ZMYM4: variants seen among roughly 807,000 people sequenced by gnomAD.
ZMYM4 encodes zinc finger MYM-type containing 4, also known as zinc finger MYM-type protein 4.
In ZMYM4, 31 loss-of-function variants were observed where a neutral mutation model predicts 183.2. The ratio of observed to expected loss-of-function variants is 0.17; its 90% CI spans 0.13 to 0.23. ZMYM4 has a LOEUF of 0.23. ZMYM4 is among the 10% of genes least tolerant of loss of function. The probability of loss-of-function intolerance (pLI) is 1.00; values close to 1 mark genes in which losing one functional copy is unlikely to be tolerated. For synonymous variants in ZMYM4, 592 were observed against 631.2 expected, an observed-to-expected ratio of 0.94 and a Z score of 0.93; for missense variants, 1,273 against 1,840.3, an observed-to-expected ratio of 0.69 and a Z score of 5.64.
chr1:35,376,832 A>G (rs537346246), intron 7 of ZMYM4, among the ~76,000 whole-genome samples: 1 of 149,716 alleles, frequency 6.7e-6, no homozygotes, highest in East Asian at 2.0e-4. Context: ...GGCCTATAGT[A>G]TTTTAAGAAT....
At chr1:35,324,934 A>C (rs1397967321) in intron 1 of ZMYM4, among the ~76,000 whole-genome samples, 1 of 152,118 alleles carries the variant, frequency 6.6e-6, no homozygotes, top group African/African-American at 2.4e-5. Context: ...CTTTCAATTT[A>C]AGAGCAGCAT....
At chr1:35,411,206 G>T (rs1279008175) in intron 26 of ZMYM4, among the ~76,000 whole-genome samples, 4 of 139,310 alleles carry the variant, frequency 2.9e-5, no homozygotes, top group Admixed American at 7.4e-5. Context: ...TTTTTTTTGA[G>T]ATGGAGTCTT....
chr1:35,343,863 C>G (rs866355317), intron 2 of ZMYM4, among the ~76,000 whole-genome samples: 1 of 121,240 alleles, frequency 8.2e-6, no homozygotes, highest in East Asian at 2.2e-4. Context: ...GACTCTGTCT[C>G]AAAAAAAAAA....
intron 7 of ZMYM4, among the ~76,000 whole-genome samples, chr1:35,373,626 C>G (rs1410605179): frequency 1.3e-5 from 2 of 151,230 alleles, no homozygotes; most frequent in East Asian, 3.9e-4. Flanking sequence ...AACTCCTGAC[C>G]TCCTGATCCA....
Position 35,361,183 on chromosome 1 carries a change from C to A in ZMYM4, c.608-11C>A. 2 of 1,540,568 alleles carry A rather than the reference C, an allele frequency of 1.3e-6. No homozygotes were observed. The highest frequency in any genetic ancestry group is 1.3e-5 in the South Asian group (1 of 78,876). ...ACATGTGTTTGTTTGTTTTTTTTTT[C>A]CTTTCAATAGCTAATCAAGTTGAAG... is the stretch of plus-strand genomic sequence containing the variant. On this transcript the variant is annotated splice_polypyrimidine_tract_variant and intron_variant, in intron 3 of 29. Transcript: ENST00000314607.
At chr1:35,369,808 GTAGA>G (rs1314076126) in intron 5 of ZMYM4, among the ~76,000 whole-genome samples, 14 of 151,748 alleles carry the variant, frequency 9.2e-5, no homozygotes, top group South Asian at 4.2e-4. Flanking sequence ...CACAGACTAA[GTAGA>G]TACTTTCATT....
chr1:35,269,163 C>T lies in ZMYM4; in HGVS notation c.39+78C>T, dbSNP rs1639463360. On this transcript the variant is annotated intron_variant, in intron 1 of 29. Coordinates refer to ENST00000314607, the MANE Select transcript of ZMYM4 (RefSeq NM_005095.3). ...GCCGGGAATGGGCCATACTCAGGTT[C>T]GTGGAGGGGTCGCCGAGGCCCAGTT... 1.1e-5 allele frequency: 16 copies of T among 1,521,650 alleles called. No individual in the cohort carries two copies. The Admixed American group carries it at 2.5e-4, about 23-fold the overall frequency. The allele number at this position is 1,521,650 out of a possible 1,614,324, so 94.3% of individuals were successfully genotyped here. A position where few individuals can be genotyped will look rare whatever the true frequency, so the allele number is the denominator to read the frequency against.
chr1:35,370,361 T>G lies in ZMYM4; in HGVS notation c.926-11T>G, dbSNP rs1191542422. On this transcript the variant is annotated splice_polypyrimidine_tract_variant and intron_variant, in intron 6 of 29. Transcript: ENST00000314607. ...CAATTTTTTTTTTTTTTTTTTTTTT[T>G]TTTTTTAAAGCTCCACAGTTGACTA... 4.5e-6 allele frequency: 6 copies of G among 1,345,630 alleles called. No homozygotes were observed. The highest frequency in any genetic ancestry group is 5.7e-6 in the Non-Finnish European group (6 of 1,052,800). 83.4% of individuals were successfully genotyped at this position (1,345,630 alleles called of 1,614,324 possible).
intron 1 of ZMYM4, among the ~76,000 whole-genome samples, chr1:35,310,837 C>G (rs777509568): frequency 1.7e-4 from 26 of 152,136 alleles, no homozygotes; most frequent in Non-Finnish European, 3.1e-4. Context: ...CTCGGCCTCC[C>G]AAAGTGCTAG....
Position 35,392,364 on chromosome 1 carries a change from T to C in ZMYM4, c.2728+12T>C, listed in dbSNP as rs113909981. 1 of 1,609,876 alleles carries C rather than the reference T, an allele frequency of 6.2e-7. No individual in the cohort carries two copies. Among genetic ancestry groups the C allele is most frequent in the African/African-American group, 1.3e-5 (1 of 74,710 alleles). On this transcript the variant is annotated intron_variant, in intron 16 of 29. Transcript: ENST00000314607. ...CAGTGTCTTACAAGGTATGGCTTGA[T>C]TGGAAAGCATTTATCTAGCCTATTT...
chr1:35,372,612 A>C (rs1644238711), intron 7 of ZMYM4, among the ~76,000 whole-genome samples: 1 of 152,046 alleles, frequency 6.6e-6, no homozygotes, highest in Admixed American at 6.5e-5. Flanking sequence ...ACACACAGAC[A>C]CACACACACA....
intron 1 of ZMYM4, among the ~76,000 whole-genome samples, chr1:35,303,231 A>T (rs1409684336): frequency 6.6e-6 from 1 of 150,998 alleles, no homozygotes; most frequent in Non-Finnish European, 1.5e-5. Context: ...CGAGGCTGCA[A>T]TGAGCTGTCA....
At chr1:35,325,112 AT>A (rs1239417332) in intron 1 of ZMYM4, among the ~76,000 whole-genome samples, 5 of 152,182 alleles carry the variant, frequency 3.3e-5, no homozygotes, top group African/African-American at 1.2e-4. Context: ...GATTAAAAAA[AT>A]AAGTAGTTGT....
At position 35,269,074 on chromosome 1, in the gene ZMYM4, C is replaced by G. The variant is rs1405457970; in HGVS notation, c.28C>G (p.Pro10Ala). ...GGCGGAGAGAGAGGTGGAGTCCGGCCCCCGAAAGAGGGTAGGTGAGGTGAG... is the reference window on the plus strand; with the variant it reads ...GGCGGAGAGAGAGGTGGAGTCCGGCGCCCGAAAGAGGGTAGGTGAGGTGAG... MAEREVESGPRKRFEQKSGA... is the reference protein window; with the variant it reads MAEREVESGARKRFEQKSGA... Residue 10 changes from proline (P) to alanine (A), a missense_variant, in exon 1 of 30, where the codon CCC (proline) becomes GCC (alanine). This residue lies in a region of ZMYM4 where 384 missense variants were observed against 465.6 expected (regional missense o/e 0.82). Transcript: ENST00000314607. The G allele has an allele frequency of 8.4e-6, 13 of 1,549,368 alleles. No homozygotes were observed. In the Admixed American group the frequency reaches 2.4e-4, roughly 28 times the overall value.
chr1:35,301,038 A>G (rs1472911869), intron 1 of ZMYM4, among the ~76,000 whole-genome samples: 2 of 152,318 alleles, frequency 1.3e-5, no homozygotes, highest in African/African-American at 2.4e-5. Context: ...TCTGGGATAC[A>G]GTAAAGTTAC....
intron 2 of ZMYM4, among the ~76,000 whole-genome samples, chr1:35,327,905 C>T (rs1004900092): frequency 6.6e-6 from 1 of 152,150 alleles, no homozygotes; most frequent in African/African-American, 2.4e-5. Flanking sequence ...AACCAATTAT[C>T]TGTGGTCAGG....
intron 9 of ZMYM4, among the ~76,000 whole-genome samples, chr1:35,383,889 C>G (rs1258334707): frequency 6.6e-6 from 1 of 152,034 alleles, no homozygotes; most frequent in Non-Finnish European, 1.5e-5. Context: ...TCCCTGAGTC[C>G]CAGTTTTTCT....
chr1:35,366,209 T>C (rs1644074078), intron 5 of ZMYM4: 1 of 152,340 alleles, frequency 6.6e-6, no homozygotes, highest in South Asian at 2.1e-4. Flanking sequence ...AGGGTATCTG[T>C]AATAGTCACT....
chr1:35,406,045 C>T (rs1471251317), intron 25 of ZMYM4, among the ~76,000 whole-genome samples: 1 of 152,132 alleles, frequency 6.6e-6, no homozygotes, highest in East Asian at 1.9e-4. Context: ...CTTATACAAT[C>T]TTTATGGAAT....
Sources: allele counts gnomAD v4.1 joint callset (sites outside exome capture counted in the v4.1 genomes callset), GRCh38; gene constraint gnomAD v4.1.1; regional missense constraint gnomAD v4.1.1; transcripts MANE v1.5; gene names NCBI Gene and HGNC (gene_info 2026-07-23, HGNC 2026-07-21).